MCC: variants seen among roughly 807,000 people sequenced by gnomAD.
MCC encodes the protein MCC regulator of Wnt signaling pathway.
In MCC, 90 loss-of-function variants were observed where a neutral mutation model predicts 116.2. The observed-to-expected ratio is 0.77, with a 90% CI of 0.65 to 0.92. The LOEUF (loss-of-function observed/expected upper bound fraction) is 0.92, where lower values mean the gene tolerates loss of function less well. Ranked by LOEUF, MCC falls within the 40% of genes least tolerant of loss-of-function variation. MCC has a pLI of 0.00. For missense variants in MCC, 1,516 were observed against 1,312.2 expected, an observed-to-expected ratio of 1.16 and a Z score of -2.40; for synonymous variants, 578 against 510.5, an observed-to-expected ratio of 1.13 and a Z score of -1.78.
At chr5:113,450,452 T>C (rs1771359945) in intron 1 of MCC, among the ~76,000 whole-genome samples, 1 of 152,158 alleles carries the variant, frequency 6.6e-6, no homozygotes, top group Non-Finnish European at 1.5e-5. Flanking sequence ...TTGACTGATG[T>C]GATGCCCCCC....
At chr5:113,132,443 TACACACACACACAC>T (rs140363649) in intron 5 of MCC, among the ~76,000 whole-genome samples, 16 of 36,596 alleles carry the variant, frequency 4.4e-4, no homozygotes, top group Middle Eastern at 0.019. Context: ...TATATATATA[TACACACACACACAC>T]ACACACACAC....
At chr5:113,179,183 G>A (rs1214026577) in intron 3 of MCC, among the ~76,000 whole-genome samples, 1 of 152,126 alleles carries the variant, frequency 6.6e-6, no homozygotes, top group South Asian at 2.1e-4. Flanking sequence ...TATAAAGCCA[G>A]TGCTCTCTGC....
At position 113,481,076 on chromosome 5, in the gene MCC, C is replaced by T. The variant is rs1464196869; in HGVS notation, c.170+7169G>A. Among the ~76,000 whole-genome samples, 6 of 152,208 alleles carry T rather than the reference C, an allele frequency of 3.9e-5. No homozygotes were observed. In the South Asian group the frequency reaches 6.2e-4, roughly 16 times the overall value. On this transcript the variant is annotated intron_variant, in intron 1 of 18. Coordinates refer to ENST00000408903, the MANE Select transcript of MCC (RefSeq NM_001085377.2). Reference sequence around the variant, plus strand: ...ACAGGCGTGAGCCATTGCAGCTGGCCAAGACTTGGATTTTAAATATGAAGA... The same window carrying T: ...ACAGGCGTGAGCCATTGCAGCTGGCTAAGACTTGGATTTTAAATATGAAGA...
chr5:113,296,347 G>A (rs753090090), intron 3 of MCC, among the ~76,000 whole-genome samples: 1 of 152,170 alleles, frequency 6.6e-6, no homozygotes, highest in Non-Finnish European at 1.5e-5. Context: ...ATTCTAGATA[G>A]AAAATGATAC....
chr5:113,431,621 C>T (rs1040168555), intron 1 of MCC, among the ~76,000 whole-genome samples: 5 of 152,080 alleles, frequency 3.3e-5, no homozygotes, highest in African/African-American at 1.2e-4. Flanking sequence ...ACCTGAGTAC[C>T]GACTCTGGTT....
chr5:113,461,364 T>C (rs1771736276), intron 1 of MCC, among the ~76,000 whole-genome samples: 1 of 152,164 alleles, frequency 6.6e-6, no homozygotes, highest in South Asian at 2.1e-4. Flanking sequence ...AAGCTTCCAT[T>C]TTACAGATGA....
chr5:113,343,911 A>G (rs1004578740), intron 2 of MCC, among the ~76,000 whole-genome samples: 37 of 152,234 alleles, frequency 2.4e-4, no homozygotes, highest in African/African-American at 8.0e-4. Flanking sequence ...GCCCCTGTGC[A>G]GGAATACCAC....
At chr5:113,436,821 G>T (rs1213932120) in intron 1 of MCC, 3 of 152,074 alleles carry the variant, frequency 2.0e-5, no homozygotes, top group Non-Finnish European at 2.9e-5. Context: ...ATTGATTCCA[G>T]GTCTTTAGAT....
At chr5:113,121,599 T>C (rs1757739357) in intron 6 of MCC, among the ~76,000 whole-genome samples, 1 of 152,222 alleles carries the variant, frequency 6.6e-6, no homozygotes, top group African/African-American at 2.4e-5. Context: ...TCAAATTTCT[T>C]TGGATACACT....
At chr5:113,090,310 G>T (rs561542868) in intron 8 of MCC, among the ~76,000 whole-genome samples, 2 of 151,778 alleles carry the variant, frequency 1.3e-5, no homozygotes, top group Non-Finnish European at 2.9e-5. Flanking sequence ...CTAGGCATGA[G>T]GGGGGAATGT....
chr5:113,450,611 T>A (rs10043834), intron 1 of MCC, among the ~76,000 whole-genome samples: 17,551 of 152,288 alleles, frequency 0.12, 1,756 homozygotes, highest in African/African-American at 0.27. Context: ...ATGCTACATG[T>A]AGAAATGCTT....
At chr5:113,432,601 G>A (rs77802290) in intron 1 of MCC, 1 of 152,124 alleles carries the variant, frequency 6.6e-6, no homozygotes, top group Non-Finnish European at 1.5e-5. Context: ...GAGACATATA[G>A]ATTAACCAAC....
chr5:113,233,833 C>T (rs1013978270), intron 3 of MCC, among the ~76,000 whole-genome samples: 1 of 152,182 alleles, frequency 6.6e-6, no homozygotes, highest in African/African-American at 2.4e-5. Context: ...TTTTGTCAGT[C>T]TAACAGATGG....
At chr5:113,262,787 G>C (rs1373946090) in intron 3 of MCC, among the ~76,000 whole-genome samples, 4 of 152,096 alleles carry the variant, frequency 2.6e-5, no homozygotes, top group Non-Finnish European at 1.5e-5. Flanking sequence ...CTGATTTTCT[G>C]ATTAAGGAGA....
chr5:113,481,493 C>A (rs1772376574), intron 1 of MCC, among the ~76,000 whole-genome samples: 1 of 152,124 alleles, frequency 6.6e-6, no homozygotes, highest in Admixed American at 6.5e-5. Context: ...AATCCCAGCA[C>A]TTTGAGAGGC....
intron 1 of MCC, among the ~76,000 whole-genome samples, chr5:113,475,678 C>T (rs1238190829): frequency 2.0e-5 from 3 of 152,148 alleles, no homozygotes; most frequent in Admixed American, 6.5e-5. Context: ...CCAGCTGAGA[C>T]TCCCATGTCA....
At chr5:113,319,473 T>G (rs1767366224) in intron 3 of MCC, among the ~76,000 whole-genome samples, 1 of 152,236 alleles carries the variant, frequency 6.6e-6, no homozygotes, top group African/African-American at 2.4e-5. Flanking sequence ...GTATTCACTG[T>G]GTCTTCCACC....
Position 113,049,223 on chromosome 5 carries a change from G to A in MCC, c.2525C>T (p.Thr842Met), listed in dbSNP as rs751790153. ...EKKALELKLS[T>M]REAQEQAYLV... ...GTAGGCCTGCTCCTGGGCCTCCCGC[G>A]TGCTCAGCTTCAGCTCCAGGGCCTT... Residue 842 changes from threonine (T) to methionine (M), a missense_variant, in exon 16 of 19, where the codon ACG (threonine) becomes ATG (methionine). Transcript: ENST00000408903. The A allele has an allele frequency of 6.6e-5, 106 of 1,613,962 alleles. No homozygotes were observed. The highest frequency in any genetic ancestry group is 7.9e-5 in the Non-Finnish European group (93 of 1,179,954).
intron 1 of MCC, among the ~76,000 whole-genome samples, chr5:113,408,800 G>C (rs1769903616): frequency 6.6e-6 from 1 of 152,156 alleles, no homozygotes. Context: ...CTTTCAAACT[G>C]CTCCTTAGGA....
Sources: allele counts gnomAD v4.1 joint callset (sites outside exome capture counted in the v4.1 genomes callset), GRCh38; gene constraint gnomAD v4.1.1; transcripts MANE v1.5; gene names NCBI Gene and HGNC (gene_info 2026-07-23, HGNC 2026-07-21).